EPHA6: variants seen among roughly 807,000 people sequenced by gnomAD.
EPHA6 encodes the protein EPH receptor A6.
EPHA6 carries 50 observed loss-of-function variants against 112.0 expected under a neutral mutation model. The observed-to-expected ratio is 0.45, with a 90% CI of 0.36 to 0.56. The LOEUF (loss-of-function observed/expected upper bound fraction) is 0.56. Among genes scored for constraint, EPHA6 ranks in the 20% least tolerant of loss-of-function variants. The pLI is 0.00. For synonymous variants in EPHA6, 529 were observed against 490.7 expected (o/e 1.08, Z -1.03); for missense variants, 1,280 against 1,417.4 (o/e 0.90, Z 1.56).
chr3:97,268,975 C>T (rs2079790128), intron 5 of EPHA6, among the ~76,000 whole-genome samples: 1 of 152,074 alleles, frequency 6.6e-6, no homozygotes, highest in South Asian at 2.1e-4. Flanking sequence ...CTATATGTTA[C>T]TTATGGCGTG....
At chr3:97,008,136 T>C (rs2107930910) in intron 3 of EPHA6, among the ~76,000 whole-genome samples, 1 of 152,284 alleles carries the variant, frequency 6.6e-6, no homozygotes, top group East Asian at 1.9e-4. Flanking sequence ...ACTTTCTGAA[T>C]TTGCATGTTG....
At chr3:97,070,153 T>C (rs1371215599) in intron 3 of EPHA6, among the ~76,000 whole-genome samples, 5 of 152,162 alleles carry the variant, frequency 3.3e-5, no homozygotes, top group Non-Finnish European at 7.4e-5. Flanking sequence ...TCTCTTGGTT[T>C]TCTTCAGAGC....
chr3:97,085,037 C>T (rs1370574294), intron 3 of EPHA6, among the ~76,000 whole-genome samples: 1 of 151,934 alleles, frequency 6.6e-6, no homozygotes, highest in Admixed American at 6.6e-5. Context: ...TTGAAGTTTA[C>T]CATTAAAATA....
chr3:96,833,696 G>T (rs957005763), intron 1 of EPHA6, among the ~76,000 whole-genome samples: 1 of 152,000 alleles, frequency 6.6e-6, no homozygotes, highest in East Asian at 1.9e-4. Context: ...AGCTTGAAGT[G>T]CCTCATTGTA....
intron 14 of EPHA6, among the ~76,000 whole-genome samples, chr3:97,644,449 T>G (rs1469542784): frequency 6.6e-6 from 1 of 150,384 alleles, no homozygotes; most frequent in African/African-American, 2.5e-5. Context: ...AGAGCAGAAC[T>G]GAAGGAAATA....
chr3:96,857,848 T>G (rs2035785885), intron 1 of EPHA6, among the ~76,000 whole-genome samples: 1 of 152,132 alleles, frequency 6.6e-6, no homozygotes, highest in Non-Finnish European at 1.5e-5. Context: ...TAAATTATTT[T>G]TGTAGCATCT....
At chr3:96,962,348 A>G (rs571300815) in intron 2 of EPHA6, among the ~76,000 whole-genome samples, 1 of 151,866 alleles carries the variant, frequency 6.6e-6, no homozygotes, top group African/African-American at 2.4e-5. Context: ...GTAACATGAT[A>G]AGAATTGTGC....
chr3:97,718,966 C>T (rs2034380259), intron 14 of EPHA6, among the ~76,000 whole-genome samples: 1 of 151,766 alleles, frequency 6.6e-6, no homozygotes, highest in South Asian at 2.1e-4. Context: ...GTGTTTTCCC[C>T]AAGGTTTCTT....
intron 1 of EPHA6, among the ~76,000 whole-genome samples, chr3:96,825,765 A>G (rs1273609115): frequency 2.0e-5 from 3 of 151,940 alleles, no homozygotes; most frequent in African/African-American, 7.2e-5. Flanking sequence ...TACTTTTAGA[A>G]TGTCAAAAGG....
chr3:97,577,667 G>C (rs1043857695), intron 11 of EPHA6, among the ~76,000 whole-genome samples: 4 of 152,052 alleles, frequency 2.6e-5, no homozygotes, highest in Non-Finnish European at 4.4e-5. Context: ...GACATAACCA[G>C]TTAAAATTTT....
chr3:97,207,994 C>T (rs1247523060), intron 3 of EPHA6, among the ~76,000 whole-genome samples: 1 of 152,070 alleles, frequency 6.6e-6, no homozygotes, highest in Admixed American at 6.6e-5. Context: ...ATCAAGGAAC[C>T]GTATTCCAAT....
chr3:97,652,538 G>A (rs2094114296), intron 14 of EPHA6, among the ~76,000 whole-genome samples: 1 of 152,016 alleles, frequency 6.6e-6, no homozygotes, highest in African/African-American at 2.4e-5. Context: ...AGTGAGATGA[G>A]GAATTTATTG....
rs185507708 is a variant in EPHA6, at chr3:97,383,824, T to C, written c.1607-21326T>C. 2.0e-3 allele frequency among the ~76,000 whole-genome samples: 307 copies of C among 152,244 alleles called. 7 individuals are homozygous for C. Among genetic ancestry groups the C allele is most frequent in the Admixed American group, 0.019 (284 of 15,264 alleles). ...ACTTGTTTGGCTTTTTGCAATCTAG[T>C]GTCTCCAAAAGGTACTTAACTACAA... is the stretch of plus-strand genomic sequence containing the variant. On this transcript the variant is annotated intron_variant, in intron 5 of 17. Transcript: ENST00000389672.
intron 3 of EPHA6, among the ~76,000 whole-genome samples, chr3:97,025,563 C>T (rs572257546): frequency 6.6e-6 from 1 of 152,128 alleles, no homozygotes; most frequent in East Asian, 1.9e-4. Context: ...GTGCCTATGT[C>T]CTCAGTGGTA....
intron 14 of EPHA6, among the ~76,000 whole-genome samples, chr3:97,719,530 A>T (rs2034431167): frequency 6.6e-6 from 1 of 152,194 alleles, no homozygotes; most frequent in Admixed American, 6.5e-5. Flanking sequence ...GTGTTTCAAG[A>T]GATAAAAGGT....
chr3:97,706,730 G>A (rs1191479593), intron 14 of EPHA6, among the ~76,000 whole-genome samples: 1 of 144,878 alleles, frequency 6.9e-6, no homozygotes, highest in South Asian at 2.1e-4. Flanking sequence ...CCTCTATTCT[G>A]AAGGTTTTTG....
At chr3:97,588,727 A>G (rs2093515002) in intron 11 of EPHA6, among the ~76,000 whole-genome samples, 1 of 152,202 alleles carries the variant, frequency 6.6e-6, no homozygotes, top group Non-Finnish European at 1.5e-5. Flanking sequence ...TGAACAGCCC[A>G]CTAGAGTCAG....
At chr3:97,570,399 T>C (rs556035636) in intron 11 of EPHA6, among the ~76,000 whole-genome samples, 10 of 152,212 alleles carry the variant, frequency 6.6e-5, no homozygotes, top group African/African-American at 2.2e-4. Flanking sequence ...GCCTTAAACA[T>C]TAGGTTTATA....
chr3:97,669,593 C>T (rs76239078), intron 14 of EPHA6, among the ~76,000 whole-genome samples: 2 of 144,014 alleles, frequency 1.4e-5, no homozygotes, highest in African/African-American at 2.6e-5. Flanking sequence ...GATATCCCAT[C>T]TTAAAAAAAA....
Sources: allele counts gnomAD v4.1 joint callset (sites outside exome capture counted in the v4.1 genomes callset), GRCh38; gene constraint gnomAD v4.1.1; transcripts MANE v1.5; gene names NCBI Gene and HGNC (gene_info 2026-07-23, HGNC 2026-07-21).